Variants in CACNA1A observed in about 807,000 individuals in gnomAD.
The protein encoded by CACNA1A is voltage-dependent P/Q-type calcium channel subunit alpha-1A.
Under a neutral mutation model 262.4 loss-of-function variants are expected in CACNA1A, and 57 were observed. The ratio of observed to expected loss-of-function variants is 0.22; its 90% CI spans 0.18 to 0.27. The LOEUF is 0.27. CACNA1A is among the 10% of genes least tolerant of loss of function. CACNA1A has a pLI of 1.00. For synonymous variants in CACNA1A, 1,431 were observed against 1,419.3 expected, an observed-to-expected ratio of 1.01 and a Z score of -0.18; for missense variants, 2,526 against 3,562.8, an observed-to-expected ratio of 0.71 and a Z score of 7.41.
At chr19:13,281,254 T>C (rs1183701838) in intron 22 of CACNA1A, among the ~76,000 whole-genome samples, 2 of 151,800 alleles carry the variant, frequency 1.3e-5, no homozygotes, top group African/African-American at 4.8e-5. Flanking sequence ...GGTGCATGCC[T>C]GTGGTCCTAG....
chr19:13,283,158 T>A (rs2144870626), intron 22 of CACNA1A, 109 bp downstream of exon 22: 8 of 1,376,538 alleles, frequency 5.8e-6, no homozygotes, highest in Non-Finnish European at 8.0e-6. Context: ...GGGCTATGCC[T>A]AGGGGTGACC....
chr19:13,294,014 T>C (rs2057603687), intron 19 of CACNA1A, among the ~76,000 whole-genome samples: 2 of 152,134 alleles, frequency 1.3e-5, no homozygotes, highest in Admixed American at 1.3e-4. Context: ...TTTGTCCCTG[T>C]CACTCTGCCT....
intron 1 of CACNA1A, among the ~76,000 whole-genome samples, chr19:13,502,424 A>G (rs962662578): frequency 6.6e-6 from 1 of 152,196 alleles, no homozygotes; most frequent in Admixed American, 6.5e-5. Flanking sequence ...GAAAGATGAC[A>G]TTCACCTTGG....
chr19:13,308,632 C>T lies in CACNA1A; in HGVS notation c.1669-104G>A, dbSNP rs1160532517. On this transcript the variant is annotated intron_variant, in intron 12 of 46. Transcript: ENST00000360228. The surrounding 1 kb of genome is among the most constrained non-coding windows in gnomAD (Gnocchi z 4.2). ...CTTGCAAGAACTCAACCAAACTCCT[C>T]CCTCCAAATGGAAGCCGGGTGAGGA... 3 of 653,264 alleles carry T rather than the reference C, an allele frequency of 4.6e-6. No homozygotes were observed. Among genetic ancestry groups the T allele is most frequent in the Non-Finnish European group, 8.0e-6 (3 of 376,796 alleles). The allele number at this position is 653,264 out of a possible 1,614,324, so 40.5% of individuals were successfully genotyped here.
At chr19:13,240,598 G>C (rs566599273) in intron 31 of CACNA1A, among the ~76,000 whole-genome samples, 1 of 151,534 alleles carries the variant, frequency 6.6e-6, no homozygotes, top group Non-Finnish European at 1.5e-5. Context: ...CAGTGACTGT[G>C]TGTGCGCAGT....
chr19:13,506,186 C>A lies in CACNA1A; in HGVS notation c.39G>T (p.Gly13=). ...CGGCGGCTGCCCCGGAGCCTCCTCC[C>A]CCGTAGCGGGCCGGCATCTCGTCTC... ...RFGDEMPARY[G]GGGSGAAAGV... is the part of the protein sequence containing the mutation. Residue 13 remains glycine, a synonymous_variant, in exon 1 of 47, where the codon GGG becomes GGT. Coordinates refer to ENST00000360228, the MANE Select transcript of CACNA1A (RefSeq NM_001127222.2). 11 of 1,508,718 alleles carry A rather than the reference C, an allele frequency of 7.3e-6. No homozygotes were observed. Among genetic ancestry groups the A allele is most frequent in the Non-Finnish European group, 9.7e-6 (11 of 1,132,682 alleles). The allele number at this position is 1,508,718 out of a possible 1,614,324, so 93.5% of individuals were successfully genotyped here.
At position 13,206,985 on chromosome 19, in the gene CACNA1A, A is replaced by C. The variant is rs1378225141; in HGVS notation, c.*328T>G. 2 of 122,044 alleles carry C rather than the reference A, an allele frequency of 1.6e-5. No homozygotes were observed. The highest frequency in any genetic ancestry group is 3.7e-5 in the African/African-American group (1 of 27,122). 7.6% of individuals were successfully genotyped at this position (122,044 alleles called of 1,614,324 possible). On this transcript the variant is annotated 3_prime_UTR_variant, in exon 47 of 47. Transcript: ENST00000360228. ...TTTTTTTTTTTTTTCATGTTCCCCA[A>C]AGTTCTCCAAAAATGGCTGAGTTAA...
chr19:13,308,759 A>G lies in CACNA1A; in HGVS notation c.1669-231T>C, dbSNP rs2057958121. The G allele has an allele frequency of 1.3e-5, 5 of 392,126 alleles. No individual in the cohort carries two copies. The highest frequency in any genetic ancestry group is 5.4e-5 in the South Asian group (1 of 18,382). The allele number at this position is 392,126 out of a possible 1,614,324, so 24.3% of individuals were successfully genotyped here. On this transcript the variant is annotated intron_variant, in intron 12 of 46. Coordinates refer to ENST00000360228, the MANE Select transcript of CACNA1A (RefSeq NM_001127222.2). This position sits in a 1 kb window ranked among gnomAD's most constrained non-coding sequence, Gnocchi z 4.2. The stretch of plus-strand genomic sequence containing the variant: ...TGGCGCAATCATAGCTCACTGCAGC[A>G]CTGTCCTCCTGGGCTTAAGTGATCC...
chr19:13,499,799 A>ACCATC (rs1376614816), intron 1 of CACNA1A, among the ~76,000 whole-genome samples: 1 of 152,114 alleles, frequency 6.6e-6, no homozygotes, highest in Non-Finnish European at 1.5e-5. Context: ...CAGAGCAGGC[A>ACCATC]CCATCCCATC....
chr19:13,341,157 A>G (rs566719143), intron 6 of CACNA1A, among the ~76,000 whole-genome samples: 1 of 152,202 alleles, frequency 6.6e-6, no homozygotes, highest in African/African-American at 2.4e-5. Flanking sequence ...CAGAGGGAGA[A>G]GGCCATGTGA....
chr19:13,255,922 A>C (rs1262783456), intron 28 of CACNA1A, among the ~76,000 whole-genome samples: 305 of 68,360 alleles, frequency 4.5e-3, no homozygotes, highest in Admixed American at 5.4e-3. Flanking sequence ...CTTCTTCCCT[A>C]TCTCCTTCCT....
intron 3 of CACNA1A, among the ~76,000 whole-genome samples, chr19:13,373,025 C>T (rs1173584472): frequency 1.3e-5 from 2 of 152,226 alleles, no homozygotes; most frequent in African/African-American, 2.4e-5. Context: ...AAGTGATGTA[C>T]AGTGCGTGGT....
At chr19:13,326,523 C>T (rs532025895) in intron 10 of CACNA1A, among the ~76,000 whole-genome samples, 6 of 152,082 alleles carry the variant, frequency 3.9e-5, no homozygotes, top group South Asian at 2.1e-4. Context: ...TGGTGGCTCA[C>T]GCCTGTAATC....
intron 19 of CACNA1A, among the ~76,000 whole-genome samples, chr19:13,293,437 ATCT>A (rs1321435725): frequency 4.0e-5 from 5 of 124,902 alleles, no homozygotes; most frequent in Non-Finnish European, 8.6e-5. Context: ...ACTCAGTTAA[ATCT>A]TTTTTTTTTT....
At position 13,208,878 on chromosome 19, in the gene CACNA1A, GA is replaced by G. The variant is rs1555730604; in HGVS notation, c.6657del (p.Pro2221ArgfsTer45). 3.3e-6 allele frequency: 4 copies of G among 1,226,856 alleles called. No homozygotes were observed. The highest frequency in any genetic ancestry group is 3.4e-5 in the East Asian group (1 of 29,614). 76.0% of individuals were successfully genotyped at this position (1,226,856 alleles called of 1,614,324 possible). On this transcript the variant is annotated frameshift_variant, in exon 46 of 47. Coordinates refer to ENST00000360228, the MANE Select transcript of CACNA1A (RefSeq NM_001127222.2). LOFTEE classifies it high-confidence loss of function. ...TAGCGGTCCTTGTCGGGGGGCGGGG[GA>G]TGGTGGTGGTGGTGGTGGTGGTGGT... The part of the protein sequence containing the change: ...QHHHHHHHHH[H>X]PPPPDKDRYA...
intron 30 of CACNA1A, among the ~76,000 whole-genome samples, chr19:13,246,631 G>GT (rs1001319451): frequency 2.1e-3 from 300 of 143,172 alleles, no homozygotes; most frequent in Non-Finnish European, 2.7e-3. Flanking sequence ...CTCTCTGTTT[G>GT]TTTTTTTTTT....
chr19:13,235,323 G>C lies in CACNA1A; in HGVS notation c.5068-49C>G, dbSNP rs373831178. Reference sequence around the variant, plus strand: ...GAAGAGTGCTGGGGGTCCCTCAGCCGCACTGTCTTCCTCCCTTGTCCCAGT... The same window carrying C: ...GAAGAGTGCTGGGGGTCCCTCAGCCCCACTGTCTTCCTCCCTTGTCCCAGT... On this transcript the variant is annotated intron_variant, in intron 32 of 46. Coordinates refer to ENST00000360228, the MANE Select transcript of CACNA1A (RefSeq NM_001127222.2). 5 of 1,484,950 alleles carry C rather than the reference G, an allele frequency of 3.4e-6. No individual in the cohort carries two copies. In the South Asian group the frequency reaches 6.0e-5, roughly 18 times the overall value. The allele number at this position is 1,484,950 out of a possible 1,614,324, so 92.0% of individuals were successfully genotyped here.
At chr19:13,395,389 T>A (rs2144670627) in intron 3 of CACNA1A, among the ~76,000 whole-genome samples, 1 of 150,818 alleles carries the variant, frequency 6.6e-6, no homozygotes, top group South Asian at 2.1e-4. Context: ...AGGTGGTGGA[T>A]CACTTGAGGT....
At chr19:13,239,999 G>A (rs11669746) in intron 31 of CACNA1A, among the ~76,000 whole-genome samples, 103,896 of 151,712 alleles carry the variant, frequency 0.68, 36,145 homozygotes, top group East Asian at 0.95. Flanking sequence ...AAAAATACAA[G>A]AAGTGGCCTG....
Sources: allele counts gnomAD v4.1 joint callset (sites outside exome capture counted in the v4.1 genomes callset), GRCh38; gene constraint gnomAD v4.1.1; non-coding constraint Gnocchi (gnomAD v3.1); transcripts MANE v1.5; gene names NCBI Gene and HGNC (gene_info 2026-07-23, HGNC 2026-07-21).